Variants in ADCY5 observed in about 807,000 individuals in gnomAD.
ADCY5 encodes the protein adenylate cyclase type 5.
A neutral mutation model predicts 119.7 loss-of-function variants in ADCY5; 30 were observed. That is an observed-to-expected ratio of 0.25 (90% CI 0.19 to 0.34). The LOEUF (loss-of-function observed/expected upper bound fraction) is 0.34. Ranked by LOEUF, ADCY5 falls within the 10% of genes least tolerant of loss-of-function variation. ADCY5 has a pLI of 1.00. For missense variants in ADCY5, 1,324 were observed against 1,775.2 expected, an observed-to-expected ratio of 0.75 and a Z score of 4.57; for synonymous variants, 753 against 762.2, an observed-to-expected ratio of 0.99 and a Z score of 0.20.
At chr3:123,348,632 G>A (rs1402935379) in intron 2 of ADCY5, among the ~76,000 whole-genome samples, 2 of 152,186 alleles carry the variant, frequency 1.3e-5, no homozygotes, top group Non-Finnish European at 2.9e-5. Flanking sequence ...GAGAAACCAT[G>A]TCACAACCAG....
chr3:123,443,681 A>G (rs1421560452), intron 1 of ADCY5, among the ~76,000 whole-genome samples: 2 of 152,200 alleles, frequency 1.3e-5, no homozygotes, highest in Non-Finnish European at 2.9e-5. Flanking sequence ...GCAGGAAATC[A>G]CTAAGAAGCT....
Position 123,448,670 on chromosome 3 carries a change from C to T in ADCY5, c.-125G>A. ...GTCACACGTCGGGGGCGGCCCGGGG[C>T]CCTGCGCTGCAGCGGGGCATCTTGG... On this transcript the variant is annotated 5_prime_UTR_variant, in exon 1 of 21. Coordinates refer to ENST00000462833, the MANE Select transcript of ADCY5 (RefSeq NM_183357.3). 1.1e-6 allele frequency: 1 copy of T among 874,152 alleles called. No individual in the cohort carries two copies. 54.1% of individuals were successfully genotyped at this position (874,152 alleles called of 1,614,324 possible).
intron 1 of ADCY5, among the ~76,000 whole-genome samples, chr3:123,444,053 G>A (rs941083619): frequency 5.3e-5 from 8 of 152,292 alleles, no homozygotes; most frequent in South Asian, 2.1e-4. Flanking sequence ...GTGTGAGTGC[G>A]TGCAGAAGCT....
intron 1 of ADCY5, among the ~76,000 whole-genome samples, chr3:123,393,605 T>TAAAATAAAATAAAAC (rs397770125): frequency 6.6e-6 from 1 of 150,748 alleles, no homozygotes; most frequent in South Asian, 2.1e-4. Context: ...TAAAATAAAA[T>TAAAATAAAATAAAAC]GAGGGTGTGA....
chr3:123,405,016 T>C (rs927402487), intron 1 of ADCY5, among the ~76,000 whole-genome samples: 3 of 152,200 alleles, frequency 2.0e-5, no homozygotes, highest in Non-Finnish European at 4.4e-5. Flanking sequence ...CCTGCCCCCC[T>C]TGTTTCACCA....
intron 1 of ADCY5, among the ~76,000 whole-genome samples, chr3:123,385,308 C>CACAT (rs146236659): frequency 6.8e-5 from 10 of 147,324 alleles, no homozygotes; most frequent in African/African-American, 2.2e-4. Flanking sequence ...CACACACACA[C>CACAT]ACGCACGCAC....
chr3:123,320,175 T>C (rs1322858793), intron 9 of ADCY5, among the ~76,000 whole-genome samples: 1 of 152,270 alleles, frequency 6.6e-6, no homozygotes, highest in Non-Finnish European at 1.5e-5. Context: ...CCTCTAGCTC[T>C]ATCCTTCTGA....
chr3:123,362,778 A>G (rs1576624786), intron 1 of ADCY5, among the ~76,000 whole-genome samples: 1 of 152,358 alleles, frequency 6.6e-6, no homozygotes, highest in Middle Eastern at 3.4e-3. Flanking sequence ...TCAGTTCGCA[A>G]AGAATATGCC....
At chr3:123,401,078 A>G (rs1314435089) in intron 1 of ADCY5, among the ~76,000 whole-genome samples, 1 of 152,192 alleles carries the variant, frequency 6.6e-6, no homozygotes, top group East Asian at 1.9e-4. Flanking sequence ...ACAAAAAGCT[A>G]GAAGATAATT....
At chr3:123,300,075 C>G (rs758353046) in intron 15 of ADCY5, 45 bp downstream of exon 15, 1 of 1,597,634 alleles carries the variant, frequency 6.3e-7, no homozygotes, top group Admixed American at 1.7e-5. Context: ...CACCTCCCTG[C>G]AATGTCTCAT....
At chr3:123,330,739 G>A (rs1013068758) in intron 5 of ADCY5, 150 bp downstream of exon 5, 8 of 1,060,634 alleles carry the variant, frequency 7.5e-6, no homozygotes, top group Admixed American at 2.9e-5. Flanking sequence ...GGTGGCACAC[G>A]CCAACCCTCA....
chr3:123,288,531 C>G (rs2108174231), intron 19 of ADCY5, among the ~76,000 whole-genome samples: 1 of 152,266 alleles, frequency 6.6e-6, no homozygotes, highest in Non-Finnish European at 1.5e-5. Context: ...GACCGTACAC[C>G]CTCGGTAAGA....
intron 1 of ADCY5, among the ~76,000 whole-genome samples, chr3:123,441,194 A>G (rs756578762): frequency 1.3e-5 from 2 of 152,194 alleles, no homozygotes; most frequent in Non-Finnish European, 2.9e-5. Flanking sequence ...ACCAGCTCCA[A>G]GTTGTTTTAA....
rs939997317 is a variant in ADCY5 at position 123,320,877 on chromosome 3, G to A, written c.2089-106C>T. ...CAGCTCATCTCTACAGTCTCCCAAAGGACGTGGACATAGAGAGGATTGTCA... is the reference window on the plus strand; with the variant it reads ...CAGCTCATCTCTACAGTCTCCCAAAAGACGTGGACATAGAGAGGATTGTCA... On this transcript the variant is annotated intron_variant, in intron 8 of 20. Coordinates refer to ENST00000462833, the MANE Select transcript of ADCY5 (RefSeq NM_183357.3). 8 of 800,306 alleles carry A rather than the reference G, an allele frequency of 1.0e-5. No homozygotes were observed. The Admixed American group carries it at 1.1e-4, about 11-fold the overall frequency. The allele number at this position is 800,306 out of a possible 1,614,324, so 49.6% of individuals were successfully genotyped here. A position where few individuals can be genotyped will look rare whatever the true frequency, so the allele number is the denominator to read the frequency against.
At chr3:123,440,571 CTTT>C (rs1945705727) in intron 1 of ADCY5, among the ~76,000 whole-genome samples, 1 of 151,934 alleles carries the variant, frequency 6.6e-6, no homozygotes, top group South Asian at 2.1e-4. Context: ...CTCTTCCTTT[CTTT>C]AAGGCACACT....
chr3:123,319,828 A>G lies in ADCY5; in HGVS notation c.2112-10T>C. 1 of 1,612,440 alleles carries G rather than the reference A, an allele frequency of 6.2e-7. No individual in the cohort carries two copies. The highest frequency in any genetic ancestry group is 2.2e-5 in the East Asian group (1 of 44,834). On this transcript the variant is annotated splice_polypyrimidine_tract_variant and intron_variant, in intron 9 of 20. Transcript: ENST00000462833. ...ACTCTCCTGGGCGTTCCTGGGGAGC[A>G]GAAGGCACGGGCGTGAGACAGGCTG... is the stretch of plus-strand genomic sequence containing the variant.
Position 123,296,222 on chromosome 3 carries a change from G to A in ADCY5, c.2931-6C>T. ...CCTTGGTTGCATGCTCAGGGCTGTGGGGAGGTGGTGGACAGGCCTGAGACG... is the reference window on the plus strand; with the variant it reads ...CCTTGGTTGCATGCTCAGGGCTGTGAGGAGGTGGTGGACAGGCCTGAGACG... On this transcript the variant is annotated splice_polypyrimidine_tract_variant and splice_region_variant and intron_variant, in intron 16 of 20. Coordinates refer to ENST00000462833, the MANE Select transcript of ADCY5 (RefSeq NM_183357.3). The A allele has an allele frequency of 6.2e-7, 1 of 1,613,384 alleles. No homozygotes were observed.
Position 123,303,236 on chromosome 3 carries a change from G to C in ADCY5, c.2560-17C>G. On this transcript the variant is annotated splice_polypyrimidine_tract_variant and intron_variant, in intron 13 of 20. Transcript: ENST00000462833. The stretch of plus-strand genomic sequence containing the variant: ...GCACGTGAACTGGGGGGAGGAAGGA[G>C]GGTGATGAGGGGAGGGTAAGCTGCT... 1 of 1,608,754 alleles carries C rather than the reference G, an allele frequency of 6.2e-7. No individual in the cohort carries two copies. Among genetic ancestry groups the C allele is most frequent in the Non-Finnish European group, 8.5e-7 (1 of 1,176,432 alleles).
At position 123,284,349 on chromosome 3, in the gene ADCY5, G is replaced by C. The variant is rs554572680; in HGVS notation, c.*259C>G. On this transcript the variant is annotated 3_prime_UTR_variant, in exon 21 of 21. Coordinates refer to ENST00000462833, the MANE Select transcript of ADCY5 (RefSeq NM_183357.3). ...CACCTGTTAGAAAACTCAAGCTTCA[G>C]ACCCAGTCTAGCAGAGTCTTCTACA... 89 of 478,228 alleles carry C rather than the reference G, an allele frequency of 1.9e-4. No homozygotes were observed. The highest frequency in any genetic ancestry group is 1.5e-3 in the African/African-American group (76 of 51,304). 29.6% of individuals were successfully genotyped at this position (478,228 alleles called of 1,614,324 possible). A position where few individuals can be genotyped will look rare whatever the true frequency, so the allele number is the denominator to read the frequency against.
Sources: allele counts gnomAD v4.1 joint callset (sites outside exome capture counted in the v4.1 genomes callset), GRCh38; gene constraint gnomAD v4.1.1; transcripts MANE v1.5; gene names NCBI Gene and HGNC (gene_info 2026-07-23, HGNC 2026-07-21).